WDR46: variants seen among roughly 807,000 people sequenced by gnomAD.
WDR46 encodes the protein WD repeat-containing protein 46.
Under a neutral mutation model 74.7 loss-of-function variants are expected in WDR46, and 58 were observed. The observed-to-expected ratio is 0.78, with a 90% confidence interval of 0.63 to 0.97. The LOEUF (loss-of-function observed/expected upper bound fraction) is 0.97, where lower values mean the gene tolerates loss of function less well. Ranked by LOEUF, WDR46 falls within the 50% of genes least tolerant of loss-of-function variation. The pLI is 0.00. For synonymous variants in WDR46, 278 were observed against 297.3 expected (o/e 0.93, Z 0.67); for missense variants, 702 against 790.1 (o/e 0.89, Z 1.34).
In WDR46 at chr6:33,288,867, C is replaced by T. The variant is rs1766978719; in HGVS notation, c.216G>A (p.Lys72=). The change falls in exon 2 of 15, where the codon AAG becomes AAA. Residue 72 remains lysine (K), a synonymous_variant. Transcript: ENST00000374617. ...CTCGGGGTTTCTTCGGGACCTGAGG[C>T]TTCTTAGAGATCCGAGACTTCTTTA... ...YILKKSRISK[K]PQVPKKPREW... is the part of the protein sequence containing the mutation. 4.3e-6 allele frequency: 7 copies of T among 1,614,060 alleles called. No individual in the cohort carries two copies. Among genetic ancestry groups the T allele is most frequent in the South Asian group, 1.1e-5 (1 of 91,084 alleles).
rs1562629659 is a variant in WDR46 at position 33,287,063 on chromosome 6, C to G, written c.1015+28G>C. ...TAGAAGAAAAGCAAGTCAGGATGGT[C>G]AGAGTCAAAACTAAGCCAGGTACTG... On this transcript the variant is annotated intron_variant, in intron 9 of 14. Coordinates refer to ENST00000374617, the MANE Select transcript of WDR46 (RefSeq NM_005452.6). 3 of 1,603,952 alleles carry G rather than the reference C, an allele frequency of 1.9e-6. No homozygotes were observed. The South Asian group carries it at 3.3e-5, about 18-fold the overall frequency.
At chr6:33,288,296 A>T in intron 4 of WDR46, 61 bp from the exon 5 acceptor site, 1 of 1,613,748 alleles carries the variant, frequency 6.2e-7, no homozygotes, top group Non-Finnish European at 8.5e-7. Flanking sequence ...ATACCAACAT[A>T]AAAACGAGAA....
At chr6:33,285,405 G>T (rs1297101722) in intron 10 of WDR46, among the ~76,000 whole-genome samples, 1 of 151,874 alleles carries the variant, frequency 6.6e-6, no homozygotes, top group African/African-American at 2.4e-5. Context: ...GTTTTGCCAT[G>T]TCATGGGTGA....
Position 33,283,966 on chromosome 6 carries a change from G to A in WDR46, c.1115+2829C>T, listed in dbSNP as rs1007895250. Reference sequence around the variant, plus strand: ...ATTCTCAAAAACCATAGCCATGGCCGGGTGCAGTGGCTCACGCCTGTAATC... The same window carrying A: ...ATTCTCAAAAACCATAGCCATGGCCAGGTGCAGTGGCTCACGCCTGTAATC... On this transcript the variant is annotated intron_variant, in intron 10 of 14. Coordinates refer to ENST00000374617, the MANE Select transcript of WDR46 (RefSeq NM_005452.6). Among the ~76,000 whole-genome samples, 7 of 151,846 alleles carry A rather than the reference G, an allele frequency of 4.6e-5. No individual in the cohort carries two copies. In the East Asian group the frequency reaches 1.2e-3, roughly 25 times the overall value.
rs772934617 is a variant in WDR46, at chr6:33,279,267, G to A, written c.*9C>T. 1.9e-6 allele frequency: 3 copies of A among 1,614,144 alleles called. No homozygotes were observed. Among genetic ancestry groups the A allele is most frequent in the Non-Finnish European group, 2.5e-6 (3 of 1,180,014 alleles). On this transcript the variant is annotated 3_prime_UTR_variant, in exon 15 of 15. Transcript: ENST00000374617. ...GAGAGACTGTTCCCAGGCAACCCTG[G>A]AGTCTGGCTCAGCGCACAAATCTGT...
At chr6:33,287,540 G>A (rs765747007) in intron 7 of WDR46, 35 bp from the exon 8 acceptor site, 2 of 1,613,718 alleles carry the variant, frequency 1.2e-6, no homozygotes, top group East Asian at 4.5e-5. Flanking sequence ...ATTGGGAAAT[G>A]AGGTCACAGG....
Position 33,288,799 on chromosome 6 carries a change from C to A in WDR46, c.279+5G>T, listed in dbSNP as rs773580022. On this transcript the variant is annotated splice_donor_5th_base_variant and intron_variant, in intron 2 of 14. Coordinates refer to ENST00000374617, the MANE Select transcript of WDR46 (RefSeq NM_005452.6). ...GCCTCGCCACCCATCAGGTCCCACG[C>A]TCACCCCGGACAAGCCGCGCTGGGA... 1.2e-6 allele frequency: 2 copies of A among 1,614,066 alleles called. No individual in the cohort carries two copies. The highest frequency in any genetic ancestry group is 1.7e-6 in the Non-Finnish European group (2 of 1,180,008).
intron 10 of WDR46, among the ~76,000 whole-genome samples, chr6:33,285,519 T>TTTTG (rs1040194609): frequency 1.3e-5 from 2 of 151,946 alleles, no homozygotes; most frequent in African/African-American, 2.4e-5. Context: ...TCATATTATG[T>TTTTG]TTTGTTTGTT....
rs201640731 is a variant in WDR46, at chr6:33,288,421, G to C, written c.410C>G (p.Ala137Gly). 4.2e-5 allele frequency: 67 copies of C among 1,614,148 alleles called. No individual in the cohort carries two copies. The Admixed American group carries it at 1.1e-3, about 26-fold the overall frequency. Residue 137 changes from alanine (A) to glycine (G), a missense_variant, in exon 4 of 15, where the codon GCT (alanine) becomes GGT (glycine). Physicochemically the swap from Ala to Gly is moderately conservative, Grantham distance 60. Transcript: ENST00000374617. Reference protein sequence around the residue: ...KTRSRLEVAEAEEEETSIKAA... With the variant: ...KTRSRLEVAEGEEEETSIKAA... ...TTTGATACTTGTTTCCTCTTCCTCA[G>C]CTTCAGCCACCTCAAGTCGGCTTCG... is the stretch of plus-strand genomic sequence containing the variant.
intron 10 of WDR46, among the ~76,000 whole-genome samples, chr6:33,283,930 C>A (rs932260360): frequency 6.6e-6 from 1 of 150,702 alleles, no homozygotes; most frequent in Non-Finnish European, 1.5e-5. Context: ...AAATGCATCA[C>A]CTGGCCAATC....
At position 33,288,946 on chromosome 6, in the gene WDR46, C is replaced by A; in HGVS notation, c.137G>T (p.Arg46Leu). The change falls in exon 2 of 15, where the codon CGT becomes CTT. Residue 46 changes from arginine to leucine, a missense_variant. Transcript: ENST00000374617. ...TTAGASPGPP[R>L]NKKNRELRPQ... ...ACGGAGCTCCCGATTCTTCTTGTTA[C>A]GAGGAGGCCCTGGAGAGGCTCCGGC... 1 of 1,614,090 alleles carries A rather than the reference C, an allele frequency of 6.2e-7. No individual in the cohort carries two copies. The highest frequency in any genetic ancestry group is 8.5e-7 in the Non-Finnish European group (1 of 1,180,014).
chr6:33,284,722 T>A (rs1755808769), intron 10 of WDR46: 1 of 153,672 alleles, frequency 6.5e-6, no homozygotes, highest in Non-Finnish European at 1.5e-5. Flanking sequence ...CCAAGAATGG[T>A]TTTTACATTT....
At chr6:33,286,357 G>T (rs1163818670) in intron 10 of WDR46, among the ~76,000 whole-genome samples, 11 of 152,058 alleles carry the variant, frequency 7.2e-5, no homozygotes, top group Admixed American at 7.2e-4. Flanking sequence ...CAAGGCAGGA[G>T]AATCACTTGA....
At position 33,287,335 on chromosome 6, in the gene WDR46, T is replaced by C. The variant is rs374575092; in HGVS notation, c.879+20A>G. 1 of 1,613,026 alleles carries C rather than the reference T, an allele frequency of 6.2e-7. No homozygotes were observed. Among genetic ancestry groups the C allele is most frequent in the East Asian group, 2.2e-5 (1 of 44,826 alleles). On this transcript the variant is annotated intron_variant, in intron 8 of 14. Coordinates refer to ENST00000374617, the MANE Select transcript of WDR46 (RefSeq NM_005452.6). Reference sequence around the variant, plus strand: ...ATCCCAAGGGCTTCCAACCAGTTCCTGAGCTCCATGGCCACTCACAGCTGT... The same window carrying C: ...ATCCCAAGGGCTTCCAACCAGTTCCCGAGCTCCATGGCCACTCACAGCTGT...
At chr6:33,286,971 C>G (rs1304660680) in intron 9 of WDR46, 77 bp from the exon 10 acceptor site, 1 of 1,594,404 alleles carries the variant, frequency 6.3e-7, no homozygotes, top group African/African-American at 1.4e-5. Context: ...GATGGGAACT[C>G]AAGACCAAGA....
In WDR46 at chr6:33,288,698, G is replaced by A. The variant is rs755690295; in HGVS notation, c.280-4C>T. The A allele has an allele frequency of 1.2e-6, 2 of 1,613,260 alleles. No individual in the cohort carries two copies. The highest frequency in any genetic ancestry group is 1.7e-6 in the Non-Finnish European group (2 of 1,179,470). The stretch of plus-strand genomic sequence containing the variant: ...GGCCTGGGAATGGATCTTGGGTCTA[G>A]GGGAAAGGAGGACGCAATTAGCAGA... On this transcript the variant is annotated splice_region_variant and splice_polypyrimidine_tract_variant and intron_variant, in intron 2 of 14. Transcript: ENST00000374617.
intron 9 of WDR46, 90 bp downstream of exon 9, chr6:33,287,001 A>G: frequency 6.3e-7 from 1 of 1,584,748 alleles, no homozygotes; most frequent in South Asian, 1.1e-5. Context: ...AAAGGGAAAT[A>G]AAAGGGTAAC....
At position 33,280,528 on chromosome 6, in the gene WDR46, G is replaced by C. The variant is rs1039296804; in HGVS notation, c.1430-6C>G. ...GAAGTTGGGCTCACCGGCCCCTGAA[G>C]GGAGGGAGGGAGAAGCATGGAGCCA... is the stretch of plus-strand genomic sequence containing the variant. On this transcript the variant is annotated splice_region_variant and splice_polypyrimidine_tract_variant and intron_variant, in intron 11 of 14. Coordinates refer to ENST00000374617, the MANE Select transcript of WDR46 (RefSeq NM_005452.6). 6.3e-7 allele frequency: 1 copy of C among 1,599,782 alleles called. No individual in the cohort carries two copies. Among genetic ancestry groups the C allele is most frequent in the African/African-American group, 1.3e-5 (1 of 74,632 alleles).
In WDR46 at chr6:33,286,862, C is replaced by T. The variant is rs938819705; in HGVS notation, c.1048G>A (p.Glu350Lys). ...TGACAGAGAATCTTTGCCAGTGGCT[C>T]CTTCATAGCTGGACTCCATAAAGAC... ...TVSLWSPAMK[E>K]PLAKILCHRG... Residue 350 changes from glutamate (E) to lysine (K), a missense_variant, in exon 10 of 15, where the codon GAG (glutamate) becomes AAG (lysine). Physicochemically the swap from Glu to Lys is moderately conservative, Grantham distance 56 (BLOSUM62 1). Coordinates refer to ENST00000374617, the MANE Select transcript of WDR46 (RefSeq NM_005452.6). The T allele has an allele frequency of 6.2e-7, 1 of 1,614,068 alleles. No homozygotes were observed. Among genetic ancestry groups the T allele is most frequent in the Non-Finnish European group, 8.5e-7 (1 of 1,180,010 alleles).
Sources: allele counts gnomAD v4.1 joint callset (sites outside exome capture counted in the v4.1 genomes callset), GRCh38; gene constraint gnomAD v4.1.1; transcripts MANE v1.5; gene names NCBI Gene and HGNC (gene_info 2026-07-23, HGNC 2026-07-21).